SEZ6: variants seen among roughly 807,000 people sequenced by gnomAD.
SEZ6 encodes seizure protein 6 homolog.
SEZ6 carries 53 observed loss-of-function variants against 101.0 expected under a neutral mutation model. The ratio of observed to expected loss-of-function variants is 0.52; its 90% CI spans 0.42 to 0.66. SEZ6 has a LOEUF of 0.66. SEZ6 is among the 30% of genes least tolerant of loss of function. The pLI, the probability that SEZ6 is intolerant of heterozygous loss-of-function variation, is 0.00. For synonymous variants in SEZ6, 488 were observed against 512.2 expected, an observed-to-expected ratio of 0.95 and a Z score of 0.64; for missense variants, 1,102 against 1,289.4, an observed-to-expected ratio of 0.85 and a Z score of 2.23.
chr17:28,962,633 T>C (rs2040997436), intron 5 of SEZ6, among the ~76,000 whole-genome samples: 1 of 149,498 alleles, frequency 6.7e-6, no homozygotes, highest in African/African-American at 2.5e-5. Flanking sequence ...ACAAAAAAAT[T>C]AGCTGGGTAT....
chr17:28,960,777 C>T (rs1364599752), intron 6 of SEZ6, 28 bp downstream of exon 6: 1 of 1,613,312 alleles, frequency 6.2e-7, no homozygotes, highest in South Asian at 1.1e-5. Flanking sequence ...AGGCCAGGCA[C>T]TCCCATTCCA....
intron 4 of SEZ6, among the ~76,000 whole-genome samples, chr17:28,969,474 C>G (rs1040104415): frequency 3.9e-5 from 6 of 152,166 alleles, no homozygotes; most frequent in African/African-American, 9.7e-5. Flanking sequence ...GAAAAGTTTG[C>G]TGAATGAATG....
At chr17:28,963,840 A>T (rs2041022156) in intron 5 of SEZ6, 122 bp downstream of exon 5, 1 of 1,174,246 alleles carries the variant, frequency 8.5e-7, no homozygotes, top group African/African-American at 1.5e-5. Flanking sequence ...ACTGAGGTGC[A>T]TGGCCATTTT....
rs886376260 is a variant in SEZ6 at position 29,005,446 on chromosome 17, C to T, written c.55+369G>A. Among the ~76,000 whole-genome samples the T allele has an allele frequency of 6.6e-6, 1 of 152,150 alleles. No individual in the cohort carries two copies. The highest frequency in any genetic ancestry group is 2.4e-5 in the African/African-American group (1 of 41,448). On this transcript the variant is annotated intron_variant, in intron 1 of 16. Transcript: ENST00000317338. The surrounding 1 kb of genome is among the most constrained non-coding windows in gnomAD (Gnocchi z 4.8). The stretch of plus-strand genomic sequence containing the variant: ...CCAGCTGGACCGTCCCGACTCACTG[C>T]CTTGCGCCCCCCGGCACGCGCCCCA...
Position 28,956,211 on chromosome 17 carries a change from T to TAGGGGC in SEZ6, c.2894_2899dup (p.Pro966_Tyr967insCysPro). 1 of 184,428 alleles carries TAGGGGC rather than the reference T, an allele frequency of 5.4e-6. No individual in the cohort carries two copies. The highest frequency in any genetic ancestry group is 7.3e-4 in the Middle Eastern group (1 of 1,364). 11.4% of individuals were successfully genotyped at this position (184,428 alleles called of 1,614,324 possible). A position where few individuals can be genotyped will look rare whatever the true frequency, so the allele number is the denominator to read the frequency against. The stretch of plus-strand genomic sequence containing the variant: ...CGCTGACTCTATGGTAATGCGGTTG[T>TAGGGGC]AGGGGCGGGGGCGGGGGCGGGGCAG... On this transcript the variant is annotated inframe_insertion, in exon 16 of 17. Coordinates refer to ENST00000317338, the MANE Select transcript of SEZ6 (RefSeq NM_178860.5).
Position 28,960,648 on chromosome 17 carries a change from T to G in SEZ6, c.1433A>C (p.Asn478Thr). 6.2e-7 allele frequency: 1 copy of G among 1,602,524 alleles called. No individual in the cohort carries two copies. Among genetic ancestry groups the G allele is most frequent in the Non-Finnish European group, 8.5e-7 (1 of 1,174,684 alleles). ...DDRLIIRNGDNVEAPPVYDSY... is the reference protein window; with the variant it reads ...DDRLIIRNGDTVEAPPVYDSY... Reference sequence around the variant, plus strand: ...ATCATACACTGGTGGGGCCTCCACGTTGTCCCCATTGCGAATGATGAGCCT... The same window carrying G: ...ATCATACACTGGTGGGGCCTCCACGGTGTCCCCATTGCGAATGATGAGCCT... Residue 478 changes from asparagine (N) to threonine (T), a missense_variant, in exon 7 of 17, where the codon AAC becomes ACC. Transcript: ENST00000317338.
In SEZ6 at chr17:28,960,807, GTCA is replaced by G; in HGVS notation, c.1404_1406del (p.Asp469del). On this transcript the variant is annotated inframe_deletion, in exon 6 of 17. Transcript: ENST00000317338. The stretch of plus-strand genomic sequence containing the variant: ...ATTCCACTAGGACAGCCCCTCACCT[GTCA>G]TCATCCTCTGCCAGGGAAACCTTCT... 6.2e-7 allele frequency: 1 copy of G among 1,613,874 alleles called. No homozygotes were observed. The highest frequency in any genetic ancestry group is 8.5e-7 in the Non-Finnish European group (1 of 1,179,832).
In SEZ6 at chr17:28,980,033, G is replaced by C. The variant is rs562514505; in HGVS notation, c.725-220C>G. Among the ~76,000 whole-genome samples the C allele has an allele frequency of 1.1e-3, 162 of 149,590 alleles. 1 individual carries two copies. Among genetic ancestry groups the C allele is most frequent in the African/African-American group, 3.9e-3 (158 of 40,648 alleles). ...TTTTTTTTTTTTTGTATTTTTAGTAGAGATGGGGTTTCACCATGTTAGCCA... is the reference window on the plus strand; with the variant it reads ...TTTTTTTTTTTTTGTATTTTTAGTACAGATGGGGTTTCACCATGTTAGCCA... On this transcript the variant is annotated intron_variant, in intron 2 of 16. Transcript: ENST00000317338.
chr17:28,999,421 C>A (rs899431243), intron 1 of SEZ6, among the ~76,000 whole-genome samples: 21 of 151,386 alleles, frequency 1.4e-4, no homozygotes, highest in Admixed American at 1.3e-3. Flanking sequence ...TCCCACCCTA[C>A]CCCCTCCCTT....
chr17:28,967,945 C>A (rs569415731), intron 4 of SEZ6, among the ~76,000 whole-genome samples: 1 of 152,282 alleles, frequency 6.6e-6, no homozygotes, highest in African/African-American at 2.4e-5. Context: ...GGAGCCAAGT[C>A]CAGTGCCAGG....
At chr17:28,979,033 A>C (rs1452472548) in intron 3 of SEZ6, among the ~76,000 whole-genome samples, 2 of 152,072 alleles carry the variant, frequency 1.3e-5, no homozygotes, top group Non-Finnish European at 2.9e-5. Context: ...CAGGTTTCTG[A>C]CCTGGACAGG....
intron 3 of SEZ6, among the ~76,000 whole-genome samples, chr17:28,977,163 T>G (rs2041232020): frequency 6.6e-6 from 1 of 152,078 alleles, no homozygotes; most frequent in African/African-American, 2.4e-5. Context: ...AACTCTCCAG[T>G]GGGTATTGTT....
intron 1 of SEZ6, among the ~76,000 whole-genome samples, chr17:28,988,657 C>G (rs754855593): frequency 1.3e-5 from 2 of 152,238 alleles, no homozygotes; most frequent in Non-Finnish European, 2.9e-5. Flanking sequence ...ATCACAGCCT[C>G]TCACCACCCT....
At chr17:28,986,260 G>A (rs535229098) in intron 1 of SEZ6, among the ~76,000 whole-genome samples, 1 of 152,306 alleles carries the variant, frequency 6.6e-6, no homozygotes, top group Non-Finnish European at 1.5e-5. Flanking sequence ...TGCCCGCGCC[G>A]CCCCGCTATG....
rs765229850 is a variant in SEZ6, at chr17:28,964,162, C to T, written c.1055-15G>A. ...CAGGAGATAGGCTGCAAACAGAGAA[C>T]GGGTGACACTGTGTATGTGTGCAGG... On this transcript the variant is annotated splice_polypyrimidine_tract_variant and intron_variant, in intron 4 of 16. Transcript: ENST00000317338. The T allele has an allele frequency of 4.3e-5, 55 of 1,275,452 alleles. No homozygotes were observed. The Admixed American group carries it at 4.9e-4, about 11-fold the overall frequency. The allele number at this position is 1,275,452 out of a possible 1,614,324, so 79.0% of individuals were successfully genotyped here.
At position 28,981,923 on chromosome 17, in the gene SEZ6, C is replaced by G. The variant is rs778011751; in HGVS notation, c.172G>C (p.Val58Leu). The change falls in exon 2 of 17, where the codon GTC becomes CTC. Residue 58 changes from valine (V) to leucine (L), a missense_variant. By Grantham distance (32) the Val-to-Leu change is conservative. Transcript: ENST00000317338. ...PEQPERGVHFVTTAPTLKLLN... is the reference protein window; with the variant it reads ...PEQPERGVHFLTTAPTLKLLN... ...AGCTTCAAGGTGGGGGCTGTTGTGA[C>G]AAAGTGGACGCCTCGTTCTGGCTGC... 1 of 1,613,888 alleles carries G rather than the reference C, an allele frequency of 6.2e-7. No individual in the cohort carries two copies. Among genetic ancestry groups the G allele is most frequent in the Non-Finnish European group, 8.5e-7 (1 of 1,179,876 alleles).
At chr17:28,982,962 G>A (rs746201272) in intron 1 of SEZ6, among the ~76,000 whole-genome samples, 3 of 150,320 alleles carry the variant, frequency 2.0e-5, no homozygotes, top group African/African-American at 4.9e-5. Context: ...CACCGCACCC[G>A]ACCATGGGTG....
chr17:28,974,588 C>A (rs193179685), intron 3 of SEZ6, among the ~76,000 whole-genome samples: 10 of 152,284 alleles, frequency 6.6e-5, no homozygotes, highest in Middle Eastern at 3.4e-3. Flanking sequence ...GATAAGGGAA[C>A]CTTGTAATCA....
At chr17:28,958,258 C>T (rs531115986) in intron 10 of SEZ6, 117 bp from the exon 11 acceptor site, 82 of 1,256,014 alleles carry the variant, frequency 6.5e-5, no homozygotes, top group Non-Finnish European at 8.3e-5. Context: ...CTGTCCTGGG[C>T]GGGCTCAGGG....
Sources: gnomAD v4.1 joint callset for allele counts (sites outside exome capture counted in the v4.1 genomes callset) on GRCh38, gnomAD v4.1.1 for gene constraint, Gnocchi (gnomAD v3.1) non-coding constraint, MANE v1.5 for transcripts, NCBI Gene and HGNC (gene_info 2026-07-23, HGNC 2026-07-21) for gene names.